The following IL1RAPL1 variants were observed in gnomAD, a reference collection of about 807,000 sequenced individuals.
IL1RAPL1 encodes the protein interleukin-1 receptor accessory protein-like 1.
Under a neutral mutation model 48.4 loss-of-function variants are expected in IL1RAPL1, and 3 were observed. That is an observed-to-expected ratio of 0.06 (90% CI 0.03 to 0.16). IL1RAPL1 has a LOEUF of 0.16. Ranked by LOEUF, IL1RAPL1 falls within the 10% of genes least tolerant of loss-of-function variation. The probability of loss-of-function intolerance (pLI) is 1.00; values close to 1 mark genes in which losing one functional copy is unlikely to be tolerated. For missense variants in IL1RAPL1, 349 were observed against 530.6 expected, an observed-to-expected ratio of 0.66 and a Z score of 3.36; for synonymous variants, 185 against 187.7, an observed-to-expected ratio of 0.99 and a Z score of 0.12.
At chrX:29,815,300 T>C (rs1282112388) in intron 6 of IL1RAPL1, among the ~76,000 whole-genome samples, 2 of 111,683 alleles carry the variant, frequency 1.8e-5, no homozygotes, top group Non-Finnish European at 3.8e-5. Context: ...TTTCATCCCC[T>C]TGGTTAGGTG....
chrX:28,910,366 T>C (rs1158511720), intron 2 of IL1RAPL1, among the ~76,000 whole-genome samples: 1 of 111,050 alleles, frequency 9.0e-6, no homozygotes, highest in East Asian at 2.8e-4. Context: ...CTTAGGATTC[T>C]GTGTCATTCC....
intron 2 of IL1RAPL1, among the ~76,000 whole-genome samples, chrX:29,217,771 TCTCTCTCA>T (rs1249182255): frequency 0.017 from 1,241 of 74,885 alleles, 25 homozygotes; most frequent in African/African-American, 0.09. Flanking sequence ...TCTCTCTCTC[TCTCTCTCA>T]CACACACACA....
intron 5 of IL1RAPL1, among the ~76,000 whole-genome samples, chrX:29,465,706 A>G (rs1374875876): frequency 3.6e-5 from 4 of 111,202 alleles, no homozygotes; most frequent in Non-Finnish European, 7.5e-5. Flanking sequence ...ACTGATATGT[A>G]TTTCTTCTTT....
At chrX:29,184,508 T>C (rs139135725) in intron 2 of IL1RAPL1, among the ~76,000 whole-genome samples, 1,269 of 111,361 alleles carry the variant, frequency 0.011, 7 homozygotes, top group African/African-American at 0.037. Context: ...TGTTTGTTTG[T>C]TTTCTTTTTT....
At chrX:28,871,082 T>G (rs766862765) in intron 2 of IL1RAPL1, among the ~76,000 whole-genome samples, 2 of 111,943 alleles carry the variant, frequency 1.8e-5, no homozygotes, top group African/African-American at 3.2e-5. Context: ...AAAGGTTTAT[T>G]ATGGTTTTAG....
chrX:29,801,000 CAAAAAAAAAAAAAAAAAAAAAAAAAAAAA>C (rs781152873), intron 6 of IL1RAPL1, among the ~76,000 whole-genome samples: 3 of 1,739 alleles, frequency 1.7e-3, no homozygotes, highest in African/African-American at 3.0e-3. Flanking sequence ...AACTCCGTCT[CAAAAAAAAAAAAAAAAAAAAAAAAAAAAA>C]AAAAACTCTC....
At position 29,941,618 on chromosome X, in the gene IL1RAPL1, A is replaced by G. The variant is rs766178035; in HGVS notation, c.1058-33A>G. On this transcript the variant is annotated intron_variant, in intron 8 of 10. Transcript: ENST00000378993. ...ATTTATGATTTTGGATGTGAATACC[A>G]TATAATTCCCCATTGTGGTTTTTTC... 31 of 1,193,560 alleles carry G rather than the reference A, an allele frequency of 2.6e-5. No individual in the cohort carries two copies. In the Admixed American group the frequency reaches 4.1e-4, roughly 16 times the overall value.
chrX:28,894,291 A>G (rs748048889), intron 2 of IL1RAPL1, among the ~76,000 whole-genome samples: 12 of 111,980 alleles, frequency 1.1e-4, no homozygotes, highest in East Asian at 2.8e-4. Flanking sequence ...TGTAGCCTCA[A>G]TGATAGATGT....
At chrX:28,767,369 A>G (rs1305850746) in intron 1 of IL1RAPL1, among the ~76,000 whole-genome samples, 1 of 110,732 alleles carries the variant, frequency 9.0e-6, no homozygotes, top group African/African-American at 3.3e-5. Context: ...CATAAAATCT[A>G]TCATCATCTG....
intron 6 of IL1RAPL1, among the ~76,000 whole-genome samples, chrX:29,753,223 T>C (rs988280223): frequency 2.7e-5 from 3 of 111,851 alleles, no homozygotes; most frequent in African/African-American, 9.7e-5. Flanking sequence ...TGTTACAACC[T>C]CACTCTAGTA....
At chrX:28,756,515 G>A (rs1936106357) in intron 1 of IL1RAPL1, among the ~76,000 whole-genome samples, 1 of 111,474 alleles carries the variant, frequency 9.0e-6, no homozygotes, top group Admixed American at 9.6e-5. Context: ...TGGTCAGCAC[G>A]CTCACCATTT....
intron 5 of IL1RAPL1, among the ~76,000 whole-genome samples, chrX:29,425,298 G>A (rs1934337107): frequency 8.9e-6 from 1 of 112,061 alleles, no homozygotes; most frequent in African/African-American, 3.2e-5. Context: ...AGAAACAACA[G>A]CAGCCAATGG....
At chrX:29,697,786 C>G (rs1244487347) in intron 6 of IL1RAPL1, among the ~76,000 whole-genome samples, 3 of 111,566 alleles carry the variant, frequency 2.7e-5, no homozygotes, top group Non-Finnish European at 5.6e-5. Context: ...CTCTCCTTCA[C>G]AGCCGACATG....
rs192090091 is a variant in IL1RAPL1 at position 28,797,466 on chromosome X, C to T, written c.82+8041C>T. 3.2e-3 allele frequency among the ~76,000 whole-genome samples: 357 copies of T among 111,338 alleles called. 2 individuals carry two copies. Among genetic ancestry groups the T allele is most frequent in the African/African-American group, 0.011 (329 of 30,634 alleles). ...CACTTTGCTGCTTAGAAATTTCTTCCGCTAGATACCCTAAATCATCTCTCT... is the reference window on the plus strand; with the variant it reads ...CACTTTGCTGCTTAGAAATTTCTTCTGCTAGATACCCTAAATCATCTCTCT... On this transcript the variant is annotated intron_variant, in intron 2 of 10. Coordinates refer to ENST00000378993, the MANE Select transcript of IL1RAPL1 (RefSeq NM_014271.4).
chrX:29,057,671 C>T (rs906997691), intron 2 of IL1RAPL1, among the ~76,000 whole-genome samples: 48 of 111,034 alleles, frequency 4.3e-4, no homozygotes, highest in African/African-American at 7.5e-4. Flanking sequence ...CCAGGTGATC[C>T]GCCCGCCTCG....
At chrX:29,574,330 G>A (rs1922702298) in intron 5 of IL1RAPL1, 1 of 108,176 alleles carries the variant, frequency 9.2e-6, no homozygotes, top group Non-Finnish European at 1.9e-5. Context: ...CCAATACTGG[G>A]AATTACAATT....
chrX:28,893,798 G>C (rs2147321351), intron 2 of IL1RAPL1, among the ~76,000 whole-genome samples: 1 of 112,017 alleles, frequency 8.9e-6, no homozygotes. Flanking sequence ...AATGATGACA[G>C]AACAGAATGG....
chrX:29,363,967 T>C (rs971440511), intron 3 of IL1RAPL1, among the ~76,000 whole-genome samples: 3 of 111,932 alleles, frequency 2.7e-5, no homozygotes, highest in Non-Finnish European at 5.6e-5. Flanking sequence ...AGAAATGTCT[T>C]AGTGATTTGT....
chrX:29,333,271 C>CG (rs1191405748), intron 3 of IL1RAPL1, among the ~76,000 whole-genome samples: 7 of 104,041 alleles, frequency 6.7e-5, no homozygotes, highest in Admixed American at 3.0e-4. Flanking sequence ...GCTGGCCGGG[C>CG]GGGGGGCTGA....
Sources: allele counts gnomAD v4.1 joint callset (sites outside exome capture counted in the v4.1 genomes callset), GRCh38; gene constraint gnomAD v4.1.1; transcripts MANE v1.5; gene names NCBI Gene and HGNC (gene_info 2026-07-23, HGNC 2026-07-21).